The following XYLB variants were observed in gnomAD, a reference collection of about 807,000 sequenced individuals.
The protein encoded by XYLB is xylulose kinase.
A neutral mutation model predicts 78.7 loss-of-function variants in XYLB; 62 were observed. The observed-to-expected ratio is 0.79, with a 90% CI of 0.64 to 0.97. The LOEUF (loss-of-function observed/expected upper bound fraction) is 0.97. Among genes scored for constraint, XYLB ranks in the 50% least tolerant of loss-of-function variants. XYLB has a pLI of 0.00. For synonymous variants in XYLB, 245 were observed against 247.4 expected (o/e 0.99, Z 0.09); for missense variants, 687 against 676.8 (o/e 1.02, Z -0.17).
At chr3:38,398,485 A>G (rs1707981979) in intron 17 of XYLB, among the ~76,000 whole-genome samples, 1 of 151,774 alleles carries the variant, frequency 6.6e-6, no homozygotes. Context: ...AAAAAAAAAT[A>G]ATTAACCTCT....
At chr3:38,388,555 A>G (rs1707497668) in intron 15 of XYLB, among the ~76,000 whole-genome samples, 1 of 152,240 alleles carries the variant, frequency 6.6e-6, no homozygotes. Context: ...AGAAGCCTAT[A>G]TAACAGCATA....
chr3:38,411,112 C>T (rs1708563120), intron 18 of XYLB, among the ~76,000 whole-genome samples: 1 of 152,144 alleles, frequency 6.6e-6, no homozygotes, highest in Non-Finnish European at 1.5e-5. Flanking sequence ...TTCACAATAG[C>T]AAAGACTTGG....
the XYLB span, among the ~76,000 whole-genome samples, chr3:38,429,009 C>G: frequency 6.6e-6 from 1 of 152,226 alleles, no homozygotes; most frequent in Non-Finnish European, 1.5e-5. Context: ...TTTCTGCTGA[C>G]AGACCCTTCA....
At chr3:38,432,120 A>G in the XYLB span, among the ~76,000 whole-genome samples, 1 of 2,254 alleles carries the variant, frequency 4.4e-4, no homozygotes, top group Non-Finnish European at 1.2e-3. Context: ...GCACCTCCCA[A>G]ATCTCTGTCC....
intron 18 of XYLB, among the ~76,000 whole-genome samples, chr3:38,410,682 T>G (rs1708540907): frequency 6.6e-6 from 1 of 151,750 alleles, no homozygotes; most frequent in Non-Finnish European, 1.5e-5. Context: ...TCAAACAAAT[T>G]TACAAGAAAA....
At chr3:38,409,975 T>G (rs922088260) in intron 18 of XYLB, among the ~76,000 whole-genome samples, 8 of 152,156 alleles carry the variant, frequency 5.3e-5, no homozygotes, top group Non-Finnish European at 1.0e-4. Context: ...AATTTATAGA[T>G]TCAATGCCAT....
intron 2 of XYLB, among the ~76,000 whole-genome samples, chr3:38,349,335 G>A (rs983874677): frequency 2.6e-5 from 4 of 152,198 alleles, no homozygotes; most frequent in Non-Finnish European, 5.9e-5. Flanking sequence ...AAAAGCTATG[G>A]TCAGCCACTA....
intron 11 of XYLB, 80 bp from the exon 12 acceptor site, chr3:38,375,064 T>C: frequency 4.4e-6 from 5 of 1,129,238 alleles, no homozygotes; most frequent in South Asian, 1.4e-5. Context: ...TTAAGGTGGG[T>C]GGAGTACAGC....
At chr3:38,424,326 T>C (rs2125697674), downstream of XYLB, among the ~76,000 whole-genome samples, 1 of 152,308 alleles carries the variant, frequency 6.6e-6, no homozygotes, top group Non-Finnish European at 1.5e-5. Flanking sequence ...AGAACTCAAA[T>C]TGTTAAATTA....
intron 18 of XYLB, 68 bp from the exon 19 acceptor site, chr3:38,412,868 G>A: frequency 2.2e-6 from 3 of 1,376,692 alleles, no homozygotes; most frequent in South Asian, 1.4e-5. Context: ...ATTTTAAATT[G>A]CAAAGTGCAA....
At chr3:38,403,157 G>T (rs1559615491) in intron 18 of XYLB, among the ~76,000 whole-genome samples, 3 of 152,014 alleles carry the variant, frequency 2.0e-5, no homozygotes, top group South Asian at 4.2e-4. Flanking sequence ...AATTAGCTGG[G>T]TGGGTATGTG....
the XYLB span, among the ~76,000 whole-genome samples, chr3:38,445,784 T>G: frequency 1.1e-4 from 16 of 152,322 alleles, no homozygotes; most frequent in Middle Eastern, 3.4e-3. Flanking sequence ...ATGTCTTTAG[T>G]CCGGTGGCCA....
chr3:38,450,554 T>C, the XYLB span, among the ~76,000 whole-genome samples: 2 of 152,174 alleles, frequency 1.3e-5, no homozygotes, highest in Non-Finnish European at 2.9e-5. Context: ...ACATTTGGGG[T>C]TTCAGATTTT....
At chr3:38,370,830 G>A (rs961439396) in intron 9 of XYLB, among the ~76,000 whole-genome samples, 2 of 152,222 alleles carry the variant, frequency 1.3e-5, no homozygotes, top group African/African-American at 2.4e-5. Context: ...GCCCTGGGGT[G>A]TTCTACTTGG....
At chr3:38,401,082 T>G in intron 18 of XYLB, 97 bp downstream of exon 18, 1 of 1,031,900 alleles carries the variant, frequency 9.7e-7, no homozygotes, top group Non-Finnish European at 1.5e-6. Context: ...GAACGTGATG[T>G]GCTCAACTAA....
At chr3:38,378,631 A>C (rs1394540742) in intron 14 of XYLB, among the ~76,000 whole-genome samples, 1 of 152,002 alleles carries the variant, frequency 6.6e-6, no homozygotes. Context: ...CAGAGGGAGC[A>C]GCTTGGGAAC....
intron 17 of XYLB, among the ~76,000 whole-genome samples, chr3:38,399,702 C>T (rs1419929172): frequency 5.3e-5 from 8 of 152,186 alleles, no homozygotes; most frequent in Non-Finnish European, 7.3e-5. Context: ...TGCCATCCTG[C>T]ACTGTGTTTT....
In XYLB at chr3:38,375,231, G is replaced by T; in HGVS notation, c.976G>T (p.Asp326Tyr). The T allele has an allele frequency of 6.2e-7, 1 of 1,614,176 alleles. No homozygotes were observed. The highest frequency in any genetic ancestry group is 8.5e-7 in the Non-Finnish European group (1 of 1,180,038). ...LEGHIFCNPVDSQHYMALLCF... is the reference protein window; with the variant it reads ...LEGHIFCNPVYSQHYMALLCF... Reference sequence around the variant, plus strand: ...AGGCCACATCTTCTGCAACCCGGTTGACTCCCAGCACTACATGGCACTCCT... The same window carrying T: ...AGGCCACATCTTCTGCAACCCGGTTTACTCCCAGCACTACATGGCACTCCT... Residue 326 changes from aspartate to tyrosine, a missense_variant, in exon 12 of 19, where the codon GAC (aspartate) becomes TAC (tyrosine). Coordinates refer to ENST00000207870, the MANE Select transcript of XYLB (RefSeq NM_005108.4).
At chr3:38,412,565 G>T (rs911406717) in intron 18 of XYLB, among the ~76,000 whole-genome samples, 2 of 152,060 alleles carry the variant, frequency 1.3e-5, no homozygotes, top group African/African-American at 4.8e-5. Flanking sequence ...AGAATAACTG[G>T]GTCCCATACT....
Sources: gnomAD v4.1 joint callset for allele counts (sites outside exome capture counted in the v4.1 genomes callset) on GRCh38, gnomAD v4.1.1 for gene constraint, MANE v1.5 for transcripts, NCBI Gene and HGNC (gene_info 2026-07-23, HGNC 2026-07-21) for gene names.